GALNT3: variants seen among roughly 807,000 people sequenced by gnomAD.
The protein encoded by GALNT3 is GalNAc transferase 3.
Under a neutral mutation model 69.8 loss-of-function variants are expected in GALNT3, and 51 were observed. The ratio of observed to expected loss-of-function variants is 0.73; its 90% CI spans 0.58 to 0.92. The LOEUF (loss-of-function observed/expected upper bound fraction) is 0.92, where lower values mean the gene tolerates loss of function less well. Among genes scored for constraint, GALNT3 ranks in the 40% least tolerant of loss-of-function variants. GALNT3 has a pLI of 0.00. For missense variants in GALNT3, 711 were observed against 760.0 expected, an observed-to-expected ratio of 0.94 and a Z score of 0.76; for synonymous variants, 265 against 248.5, an observed-to-expected ratio of 1.07 and a Z score of -0.63.
intron 1 of GALNT3, among the ~76,000 whole-genome samples, chr2:165,788,329 A>AG (rs973452187): frequency 2.6e-5 from 4 of 151,454 alleles, no homozygotes; most frequent in Admixed American, 6.6e-5. Flanking sequence ...AAAAAAAAAA[A>AG]AAAAAAAAAG....
chr2:165,749,787 A>C lies in GALNT3; in HGVS notation c.1734T>G (p.Gly578=). The part of the protein sequence containing the change: ...LVQLKACTYK[G]HKTVVTGEQI... ...GCTCTCCAGTGACAACTGTCTTGTG[A>C]CCTTTGTAGGTACATGCCTTCAGCT... is the stretch of plus-strand genomic sequence containing the variant. Residue 578 remains glycine (G), a synonymous_variant, in exon 10 of 11, where the codon GGT becomes GGG. Transcript: ENST00000392701. The C allele has an allele frequency of 6.2e-7, 1 of 1,613,594 alleles. No individual in the cohort carries two copies. Among genetic ancestry groups the C allele is most frequent in the Non-Finnish European group, 8.5e-7 (1 of 1,179,598 alleles).
intron 1 of GALNT3, among the ~76,000 whole-genome samples, chr2:165,775,560 A>G (rs1688832797): frequency 6.6e-6 from 1 of 152,186 alleles, no homozygotes; most frequent in South Asian, 2.1e-4. Flanking sequence ...ACTTTTCTGT[A>G]CTTTGCTGTT....
At chr2:165,772,109 A>G (rs943128780) in intron 1 of GALNT3, among the ~76,000 whole-genome samples, 5 of 152,228 alleles carry the variant, frequency 3.3e-5, no homozygotes, top group African/African-American at 4.8e-5. Context: ...GCTTTTGAAA[A>G]GAATATAAGA....
intron 3 of GALNT3, among the ~76,000 whole-genome samples, chr2:165,764,518 T>TA (rs1317742178): frequency 6.6e-6 from 1 of 152,210 alleles, no homozygotes; most frequent in Non-Finnish European, 1.5e-5. Flanking sequence ...ATTTTGCTGA[T>TA]AAATCACAGC....
rs769617379 is a variant in GALNT3 at position 165,754,696 on chromosome 2, A to G, written c.1557T>C (p.Asp519=). ...IKSVGQPLCL[D]VGENNQGGKP... is the part of the protein sequence containing the mutation. ...TGCCTCCTTGATTGTTTTCTCCAACATCCAGACATAGAGGCTGACCAACGC... is the reference window on the plus strand; with the variant it reads ...TGCCTCCTTGATTGTTTTCTCCAACGTCCAGACATAGAGGCTGACCAACGC... Residue 519 remains aspartate (D), a synonymous_variant, in exon 9 of 11, where the codon GAT becomes GAC. Coordinates refer to ENST00000392701, the MANE Select transcript of GALNT3 (RefSeq NM_004482.4). 5.6e-6 allele frequency: 9 copies of G among 1,613,544 alleles called. No individual in the cohort carries two copies. The Admixed American group carries it at 8.3e-5, about 15-fold the overall frequency.
intron 6 of GALNT3, among the ~76,000 whole-genome samples, chr2:165,758,102 C>A (rs1207394838): frequency 6.6e-6 from 1 of 152,064 alleles, no homozygotes; most frequent in Non-Finnish European, 1.5e-5. Flanking sequence ...TAAACAAGAC[C>A]CCGCCATAAG....
At chr2:165,754,863 TTC>T in intron 8 of GALNT3, 67 bp downstream of exon 8, 1 of 1,544,812 alleles carries the variant, frequency 6.5e-7, no homozygotes, top group Non-Finnish European at 8.9e-7. Flanking sequence ...TTCAGCAATT[TTC>T]TTAGAACCAC....
chr2:165,766,510 C>G (rs1688645198), intron 2 of GALNT3, among the ~76,000 whole-genome samples: 1 of 152,164 alleles, frequency 6.6e-6, no homozygotes, highest in Non-Finnish European at 1.5e-5. Flanking sequence ...ACCACAGTGC[C>G]AAGCCTGCTG....
At chr2:165,777,333 A>C (rs895380279) in intron 1 of GALNT3, among the ~76,000 whole-genome samples, 1 of 152,264 alleles carries the variant, frequency 6.6e-6, no homozygotes, top group African/African-American at 2.4e-5. Context: ...ATTATAGATT[A>C]AGAAAAGTAC....
intron 1 of GALNT3, among the ~76,000 whole-genome samples, chr2:165,777,147 T>C (rs970361335): frequency 2.0e-5 from 3 of 152,160 alleles, no homozygotes; most frequent in African/African-American, 7.2e-5. Context: ...TTTGTGACAA[T>C]AAACCATTAC....
chr2:165,764,259 G>A (rs1157465180), intron 3 of GALNT3, among the ~76,000 whole-genome samples: 1 of 151,994 alleles, frequency 6.6e-6, no homozygotes, highest in Non-Finnish European at 1.5e-5. Context: ...ATAGAACATG[G>A]TGACTCTTTT....
chr2:165,782,182 A>T (rs1015316823), intron 1 of GALNT3, among the ~76,000 whole-genome samples: 6 of 152,114 alleles, frequency 3.9e-5, no homozygotes, highest in Admixed American at 2.6e-4. Context: ...GGGATATGTT[A>T]TTACTTCTGA....
At chr2:165,771,527 A>G (rs564150383) in intron 1 of GALNT3, 13 of 152,340 alleles carry the variant, frequency 8.5e-5, no homozygotes, top group African/African-American at 3.1e-4. Flanking sequence ...TAGAAGTCAT[A>G]AAGTTAAAAA....
intron 1 of GALNT3, among the ~76,000 whole-genome samples, chr2:165,779,520 T>C (rs1025974789): frequency 6.6e-6 from 1 of 152,228 alleles, no homozygotes; most frequent in African/African-American, 2.4e-5. Flanking sequence ...ACGAGAGACA[T>C]AGAGTCCTAA....
intron 1 of GALNT3, among the ~76,000 whole-genome samples, chr2:165,790,462 T>C (rs878859204): frequency 6.6e-6 from 1 of 152,338 alleles, no homozygotes; most frequent in South Asian, 2.1e-4. Context: ...ACTAAATGCA[T>C]AATTGAACAG....
intron 5 of GALNT3, 122 bp downstream of exon 5, chr2:165,759,214 T>C (rs1573999415): frequency 2.5e-6 from 2 of 803,898 alleles, no homozygotes; most frequent in South Asian, 3.0e-5. Context: ...ATTCTCTTTA[T>C]ATAGAATATG....
intron 3 of GALNT3, 93 bp downstream of exon 3, chr2:165,764,791 A>C: frequency 8.0e-7 from 1 of 1,246,886 alleles, no homozygotes; most frequent in Non-Finnish European, 1.2e-6. Flanking sequence ...TCAAGCTCTG[A>C]GATGGCATAC....
intron 9 of GALNT3, 71 bp downstream of exon 9, chr2:165,754,556 G>T: frequency 8.7e-7 from 1 of 1,144,464 alleles, no homozygotes; most frequent in Non-Finnish European, 1.3e-6. Flanking sequence ...TGGGACTTCT[G>T]AAAAATAGGC....
intron 6 of GALNT3, 73 bp downstream of exon 6, chr2:165,758,674 T>C (rs1029759037): frequency 3.0e-6 from 3 of 983,794 alleles, no homozygotes; most frequent in East Asian, 2.4e-5. Context: ...TGTAATCATA[T>C]GTACCAGCCG....
Sources: gnomAD v4.1 joint callset for allele counts (sites outside exome capture counted in the v4.1 genomes callset) on GRCh38, gnomAD v4.1.1 for gene constraint, MANE v1.5 for transcripts, NCBI Gene and HGNC (gene_info 2026-07-23, HGNC 2026-07-21) for gene names.